Variants in DOCK2 observed in about 807,000 individuals in gnomAD.
The protein encoded by DOCK2 is dedicator of cytokinesis protein 2.
Under a neutral mutation model 248.9 loss-of-function variants are expected in DOCK2, and 87 were observed. That is an observed-to-expected ratio of 0.35 (90% confidence interval 0.29 to 0.42). DOCK2 has a LOEUF of 0.42. Ranked by LOEUF, DOCK2 falls within the 10% of genes least tolerant of loss-of-function variation. The probability of loss-of-function intolerance (pLI) is 1.00; values close to 1 mark genes in which losing one functional copy is unlikely to be tolerated. For missense variants in DOCK2, 1,747 were observed against 2,300.2 expected, an observed-to-expected ratio of 0.76 and a Z score of 4.92; for synonymous variants, 805 against 821.6, an observed-to-expected ratio of 0.98 and a Z score of 0.35.
At chr5:169,840,631 AGTG>A in intron 26 of DOCK2, 123 bp from the exon 27 acceptor site, 2 of 687,586 alleles carry the variant, frequency 2.9e-6, no homozygotes, top group Non-Finnish European at 5.2e-6. Context: ...TGATGGCAGT[AGTG>A]GTGGTGGTGT....
In DOCK2 at chr5:169,684,241, TC is replaced by T; in HGVS notation, c.657del (p.Thr220ProfsTer8). On this transcript the variant is annotated frameshift_variant, in exon 8 of 52. Transcript: ENST00000520908. LOFTEE classifies it high-confidence loss of function. ...DYAMYSRISS[S>X]PTHSLYVFVR... ...TGCAATGTATTCCCGGATCTCCTCA[TC>T]CCCCACCCATAGCCTCTATGTGTTT... The T allele has an allele frequency of 6.2e-7, 1 of 1,614,160 alleles. No individual in the cohort carries two copies. Among genetic ancestry groups the T allele is most frequent in the Non-Finnish European group, 8.5e-7 (1 of 1,179,994 alleles).
intron 27 of DOCK2, among the ~76,000 whole-genome samples, chr5:169,919,961 T>G (rs961424814): frequency 2.0e-5 from 3 of 152,262 alleles, no homozygotes; most frequent in African/African-American, 7.2e-5. Context: ...CTACACTTTG[T>G]GTTAATGAAC....
intron 44 of DOCK2, among the ~76,000 whole-genome samples, chr5:170,059,903 A>G (rs187589485): frequency 7.9e-4 from 121 of 152,346 alleles, no homozygotes; most frequent in Middle Eastern, 3.4e-3. Flanking sequence ...AACCTTCAAA[A>G]AGTTGGCCAG....
chr5:169,920,714 C>T (rs1307400914), intron 27 of DOCK2, among the ~76,000 whole-genome samples: 2 of 152,172 alleles, frequency 1.3e-5, no homozygotes, highest in Non-Finnish European at 2.9e-5. Context: ...TGCTCATTCC[C>T]GTCTCCCGTC....
intron 26 of DOCK2, among the ~76,000 whole-genome samples, chr5:169,823,651 C>G (rs1228820999): frequency 6.6e-6 from 1 of 152,124 alleles, no homozygotes; most frequent in Admixed American, 6.5e-5. Context: ...ATGACAAACC[C>G]ACAGCCAATA....
chr5:169,697,522 A>G (rs181461443), intron 10 of DOCK2, among the ~76,000 whole-genome samples: 158 of 152,316 alleles, frequency 1.0e-3, no homozygotes, highest in Middle Eastern at 3.4e-3. Context: ...ACCAGGTCCT[A>G]TGAATAACTT....
At chr5:169,856,734 C>T (rs900918426) in intron 27 of DOCK2, among the ~76,000 whole-genome samples, 1 of 152,158 alleles carries the variant, frequency 6.6e-6, no homozygotes. Flanking sequence ...TCAGTGGAAA[C>T]ACTGTGTGAA....
intron 26 of DOCK2, among the ~76,000 whole-genome samples, chr5:169,839,271 A>T (rs1427943435): frequency 6.6e-6 from 1 of 152,150 alleles, no homozygotes; most frequent in Non-Finnish European, 1.5e-5. Context: ...TCTGTTTCAG[A>T]CTACAAAATC....
chr5:170,045,677 T>C (rs2113848112), intron 38 of DOCK2, 139 bp from the exon 39 acceptor site: 1 of 792,702 alleles, frequency 1.3e-6, no homozygotes, highest in Non-Finnish European at 2.1e-6. Flanking sequence ...CCGGCCCCTC[T>C]GTATGGGGGT....
intron 9 of DOCK2, among the ~76,000 whole-genome samples, chr5:169,694,632 C>T (rs141080243): frequency 1.3e-5 from 2 of 152,116 alleles, no homozygotes; most frequent in African/African-American, 4.8e-5. Context: ...TATGGTGATG[C>T]AGGAATCACT....
chr5:169,826,955 A>T (rs1768902047), intron 26 of DOCK2, among the ~76,000 whole-genome samples: 1 of 152,004 alleles, frequency 6.6e-6, no homozygotes, highest in Non-Finnish European at 1.5e-5. Context: ...GTGGTCTCTT[A>T]AAAGCAGGGG....
At chr5:169,828,910 T>A (rs886906906) in intron 26 of DOCK2, among the ~76,000 whole-genome samples, 1 of 152,250 alleles carries the variant, frequency 6.6e-6, no homozygotes, top group Non-Finnish European at 1.5e-5. Context: ...ACCTAATCCC[T>A]GTCCTCAAGT....
At chr5:170,043,966 A>G (rs1461761477) in intron 38 of DOCK2, among the ~76,000 whole-genome samples, 2 of 152,230 alleles carry the variant, frequency 1.3e-5, no homozygotes, top group Non-Finnish European at 2.9e-5. Context: ...AATAATGGGG[A>G]AAAAGGCAAA....
chr5:169,907,448 G>C (rs1236207561), intron 27 of DOCK2, among the ~76,000 whole-genome samples: 1 of 152,202 alleles, frequency 6.6e-6, no homozygotes, highest in East Asian at 1.9e-4. Context: ...CAGAGAAGCA[G>C]CTAAAATCTG....
chr5:169,964,875 T>A (rs1178298005), intron 27 of DOCK2, among the ~76,000 whole-genome samples: 3 of 152,244 alleles, frequency 2.0e-5, no homozygotes, highest in African/African-American at 7.2e-5. Context: ...TTAGCTAGTA[T>A]CTGGCACATA....
intron 38 of DOCK2, among the ~76,000 whole-genome samples, chr5:170,044,945 C>CGTCCT: frequency 6.6e-6 from 1 of 152,224 alleles, no homozygotes; most frequent in South Asian, 2.1e-4. Flanking sequence ...CTCTGCAGAC[C>CGTCCT]GTCCTGACCT....
chr5:169,670,472 A>C, intron 3 of DOCK2, 70 bp from the exon 4 acceptor site: 8 of 1,542,596 alleles, frequency 5.2e-6, no homozygotes, highest in Non-Finnish European at 7.0e-6. Flanking sequence ...ATAAAGACGT[A>C]GGGTCATTCA....
intron 27 of DOCK2, among the ~76,000 whole-genome samples, chr5:169,936,015 T>TGGGGGGA (rs932251370): frequency 6.6e-6 from 1 of 152,030 alleles, no homozygotes. Flanking sequence ...CTTGGGGAGG[T>TGGGGGGA]GGCATGGCGG....
chr5:169,861,938 C>CTTTTCT (rs1554110043), intron 27 of DOCK2, among the ~76,000 whole-genome samples: 9 of 147,194 alleles, frequency 6.1e-5, no homozygotes, highest in Non-Finnish European at 1.2e-4. Context: ...CTTTTCTTTT[C>CTTTTCT]TTTTTTTTTT....
Sources: allele counts gnomAD v4.1 joint callset (sites outside exome capture counted in the v4.1 genomes callset), GRCh38; gene constraint gnomAD v4.1.1; transcripts MANE v1.5; gene names NCBI Gene and HGNC (gene_info 2026-07-23, HGNC 2026-07-21).